TANGO6: variants seen among roughly 807,000 people sequenced by gnomAD.
TANGO6 encodes the protein transport and Golgi organization protein 6 homolog.
A neutral mutation model predicts 114.2 loss-of-function variants in TANGO6; 90 were observed. The observed-to-expected ratio is 0.79, with a 90% CI of 0.66 to 0.94. The LOEUF is 0.94. Ranked by LOEUF, TANGO6 falls within the 40% of genes least tolerant of loss-of-function variation. TANGO6 has a pLI of 0.00. For synonymous variants in TANGO6, 477 were observed against 509.8 expected, an observed-to-expected ratio of 0.94 and a Z score of 0.87; for missense variants, 1,274 against 1,315.3, an observed-to-expected ratio of 0.97 and a Z score of 0.49.
At chr16:69,049,731 T>C (rs1249187701) in intron 17 of TANGO6, among the ~76,000 whole-genome samples, 1 of 151,780 alleles carries the variant, frequency 6.6e-6, no homozygotes, top group Non-Finnish European at 1.5e-5. Context: ...TGAGCCACTA[T>C]GTCTGGCTTT....
chr16:68,935,850 G>T (rs564587103), intron 14 of TANGO6, among the ~76,000 whole-genome samples: 1 of 152,176 alleles, frequency 6.6e-6, no homozygotes, highest in Non-Finnish European at 1.5e-5. Context: ...AAGGTAAAAG[G>T]CAGAAGCCCT....
intron 17 of TANGO6, among the ~76,000 whole-genome samples, chr16:69,041,446 C>CAA (rs112497627): frequency 2.6e-5 from 3 of 117,218 alleles, no homozygotes; most frequent in East Asian, 2.5e-4. Flanking sequence ...AATTCTGTCT[C>CAA]AAAAAAAAAA....
chr16:68,928,124 G>A, intron 13 of TANGO6, 41 bp downstream of exon 13: 1 of 1,502,918 alleles, frequency 6.7e-7, no homozygotes. Flanking sequence ...GCACAGGGTG[G>A]GGCATTCATT....
chr16:68,918,656 A>G (rs1963044628), intron 11 of TANGO6, among the ~76,000 whole-genome samples: 1 of 152,250 alleles, frequency 6.6e-6, no homozygotes, highest in African/African-American at 2.4e-5. Context: ...GCCTTAAACA[A>G]ACAACCTTTT....
At chr16:68,920,411 T>C (rs186714366) in intron 12 of TANGO6, among the ~76,000 whole-genome samples, 23 of 152,260 alleles carry the variant, frequency 1.5e-4, no homozygotes, top group Admixed American at 1.5e-3. Context: ...GGAAGGCTGG[T>C]GTTAGTGAAT....
At chr16:69,080,377 T>A (rs1960446499) in intron 17 of TANGO6, among the ~76,000 whole-genome samples, 1 of 152,128 alleles carries the variant, frequency 6.6e-6, no homozygotes, top group Non-Finnish European at 1.5e-5. Context: ...AAGACCAGCC[T>A]GGGCAACATA....
At chr16:68,910,900 C>T (rs992604802) in intron 11 of TANGO6, among the ~76,000 whole-genome samples, 1 of 152,112 alleles carries the variant, frequency 6.6e-6, no homozygotes, top group Non-Finnish European at 1.5e-5. Flanking sequence ...TGATCTTGAA[C>T]TCCTGACCTC....
chr16:68,999,542 T>C (rs1020224084), intron 15 of TANGO6, among the ~76,000 whole-genome samples: 2 of 152,240 alleles, frequency 1.3e-5, no homozygotes, highest in African/African-American at 2.4e-5. Context: ...ATTACACTTA[T>C]TCAAATAACA....
At chr16:68,980,926 G>A (rs532302141) in intron 15 of TANGO6, among the ~76,000 whole-genome samples, 13 of 151,894 alleles carry the variant, frequency 8.6e-5, no homozygotes, top group Middle Eastern at 3.4e-3. Context: ...ATCTGGAGGC[G>A]GAGGTTGCAA....
intron 1 of TANGO6, among the ~76,000 whole-genome samples, chr16:68,856,598 C>T (rs551490907): frequency 1.8e-4 from 28 of 152,142 alleles, no homozygotes; most frequent in Non-Finnish European, 4.0e-4. Context: ...TACTCCCTTC[C>T]CTACCCCAAA....
intron 15 of TANGO6, among the ~76,000 whole-genome samples, chr16:69,016,456 T>G (rs1194123111): frequency 6.6e-6 from 1 of 152,136 alleles, no homozygotes; most frequent in East Asian, 1.9e-4. Flanking sequence ...GTGTCCTTCC[T>G]GAAGTTTCTC....
At chr16:68,898,272 T>C (rs1962734720) in intron 7 of TANGO6, among the ~76,000 whole-genome samples, 1 of 152,162 alleles carries the variant, frequency 6.6e-6, no homozygotes, top group South Asian at 2.1e-4. Flanking sequence ...CACAGGAAGC[T>C]GGCTCCTTGG....
At chr16:69,014,209 C>A (rs150472247) in intron 15 of TANGO6, among the ~76,000 whole-genome samples, 55 of 152,310 alleles carry the variant, frequency 3.6e-4, no homozygotes, top group African/African-American at 1.2e-3. Context: ...GACCCATATT[C>A]TTTTCATCTT....
chr16:69,059,078 CT>C (rs34994371), intron 17 of TANGO6, among the ~76,000 whole-genome samples: 291 of 130,716 alleles, frequency 2.2e-3, no homozygotes, highest in Admixed American at 2.0e-3. Context: ...CAGCTAATTT[CT>C]TTTTTTTTTT....
intron 17 of TANGO6, among the ~76,000 whole-genome samples, chr16:69,052,394 G>A (rs776363994): frequency 6.0e-5 from 9 of 150,674 alleles, no homozygotes; most frequent in East Asian, 1.9e-4. Flanking sequence ...TCAGCCTCCC[G>A]AGTAGCTGGG....
chr16:68,927,722 T>C lies in TANGO6; in HGVS notation c.2282T>C (p.Met761Thr), dbSNP rs1382317218. 6.2e-7 allele frequency: 1 copy of C among 1,613,990 alleles called. No individual in the cohort carries two copies. Among genetic ancestry groups the C allele is most frequent in the East Asian group, 2.2e-5 (1 of 44,886 alleles). ...HGAFATEAVS[M>T]AAQSTLNRKD... ...GCCTTTGCCACTGAGGCCGTCAGCATGGCTGCCCAAAGTACACTGAACAGA... is the reference window on the plus strand; with the variant it reads ...GCCTTTGCCACTGAGGCCGTCAGCACGGCTGCCCAAAGTACACTGAACAGA... Residue 761 changes from methionine (M) to threonine (T), a missense_variant, in exon 13 of 18, where the codon ATG (methionine) becomes ACG (threonine). Met to Thr is a moderately conservative substitution (Grantham distance 81). Transcript: ENST00000261778.
At chr16:69,065,312 TGG>T (rs1960197899) in intron 17 of TANGO6, among the ~76,000 whole-genome samples, 1 of 152,214 alleles carries the variant, frequency 6.6e-6, no homozygotes, top group South Asian at 2.1e-4. Context: ...AGTTAGGTGT[TGG>T]GAGTTCTGAC....
chr16:68,895,167 T>G (rs1006998667), intron 7 of TANGO6, among the ~76,000 whole-genome samples: 3 of 152,118 alleles, frequency 2.0e-5, no homozygotes, highest in African/African-American at 7.2e-5. Flanking sequence ...CAGTACATGG[T>G]AGTTATTGTT....
At chr16:69,052,787 C>A (rs2152237672) in intron 17 of TANGO6, among the ~76,000 whole-genome samples, 1 of 152,232 alleles carries the variant, frequency 6.6e-6, no homozygotes, top group African/African-American at 2.4e-5. Flanking sequence ...CTCTCTTCTC[C>A]TCAACTTCCT....
Sources: gnomAD v4.1 joint callset for allele counts (sites outside exome capture counted in the v4.1 genomes callset) on GRCh38, gnomAD v4.1.1 for gene constraint, MANE v1.5 for transcripts, NCBI Gene and HGNC (gene_info 2026-07-23, HGNC 2026-07-21) for gene names.